WDFY2: variants seen among roughly 807,000 people sequenced by gnomAD.
WDFY2 encodes WD repeat and FYVE domain containing 2, also known as WD repeat and FYVE domain-containing protein 2.
In WDFY2, 36 loss-of-function variants were observed where a neutral mutation model predicts 56.4. The ratio of observed to expected loss-of-function variants is 0.64; its 90% CI spans 0.49 to 0.84. WDFY2 has a LOEUF of 0.84. Ranked by LOEUF, WDFY2 falls within the 40% of genes least tolerant of loss-of-function variation. The pLI, the probability that WDFY2 is intolerant of heterozygous loss-of-function variation, is 0.00. For synonymous variants in WDFY2, 176 were observed against 183.7 expected, an observed-to-expected ratio of 0.96 and a Z score of 0.34; for missense variants, 444 against 512.2, an observed-to-expected ratio of 0.87 and a Z score of 1.29.
chr13:51,718,559 T>C lies in WDFY2; in HGVS notation c.335-639T>C, dbSNP rs1031996768. Among the ~76,000 whole-genome samples the C allele has an allele frequency of 2.4e-4, 33 of 138,758 alleles. 1 individual carries two copies. The highest frequency in any genetic ancestry group is 3.6e-4 in the Non-Finnish European group (23 of 63,864). The allele number at this position is 138,758 out of a possible 152,430, so 91.0% of individuals were successfully genotyped here. A position where few individuals can be genotyped will look rare whatever the true frequency, so the allele number is the denominator to read the frequency against. On this transcript the variant is annotated intron_variant, in intron 4 of 11. Coordinates refer to ENST00000298125, the MANE Select transcript of WDFY2 (RefSeq NM_052950.4). ...GGAAATTTGCTCTTATTATCATTCATACACACACACACACACACACACACA... is the reference window on the plus strand; with the variant it reads ...GGAAATTTGCTCTTATTATCATTCACACACACACACACACACACACACACA...
intron 1 of WDFY2, among the ~76,000 whole-genome samples, chr13:51,615,352 T>TAA (rs535477907): frequency 2.0e-5 from 3 of 148,466 alleles, no homozygotes; most frequent in African/African-American, 4.9e-5. Context: ...CAGTGCAAAT[T>TAA]AAAAAAAAAA....
At chr13:51,657,167 T>C (rs911210810) in intron 1 of WDFY2, among the ~76,000 whole-genome samples, 10 of 152,248 alleles carry the variant, frequency 6.6e-5, no homozygotes, top group Admixed American at 6.5e-4. Context: ...TGAATTGATA[T>C]CAATTTATTT....
At chr13:51,610,465 A>C (rs1954479018) in intron 1 of WDFY2, among the ~76,000 whole-genome samples, 1 of 152,124 alleles carries the variant, frequency 6.6e-6, no homozygotes, top group Non-Finnish European at 1.5e-5. Flanking sequence ...AATTCTTTTG[A>C]CTAGTACCCA....
At chr13:51,719,089 T>A (rs1301754767) in intron 4 of WDFY2, 109 bp from the exon 5 acceptor site, 2 of 1,481,670 alleles carry the variant, frequency 1.3e-6, no homozygotes, top group Non-Finnish European at 1.9e-6. Flanking sequence ...GTTCTGCTGT[T>A]CAGCTTATTC....
chr13:51,742,737 C>T (rs901931275), intron 7 of WDFY2, among the ~76,000 whole-genome samples: 1 of 152,042 alleles, frequency 6.6e-6, no homozygotes, highest in African/African-American at 2.4e-5. Flanking sequence ...TTTGCTATTC[C>T]TCATGTTGGA....
intron 1 of WDFY2, among the ~76,000 whole-genome samples, chr13:51,651,887 G>A (rs924179165): frequency 6.6e-6 from 1 of 152,182 alleles, no homozygotes; most frequent in East Asian, 1.9e-4. Flanking sequence ...TTGATTTGGG[G>A]TAGAGAATTC....
At chr13:51,665,405 T>A (rs975685175) in intron 2 of WDFY2, among the ~76,000 whole-genome samples, 1 of 152,218 alleles carries the variant, frequency 6.6e-6, no homozygotes, top group African/African-American at 2.4e-5. Flanking sequence ...AATGTGATTA[T>A]TTGTTCCAGG....
At chr13:51,586,285 C>A (rs979534866) in intron 1 of WDFY2, 5 of 379,814 alleles carry the variant, frequency 1.3e-5, no homozygotes, top group Non-Finnish European at 2.3e-5. Flanking sequence ...TGGTAGATGT[C>A]ACTTTCCCAG....
chr13:51,637,359 A>G (rs368701427), intron 1 of WDFY2, among the ~76,000 whole-genome samples: 54 of 152,310 alleles, frequency 3.5e-4, no homozygotes, highest in African/African-American at 1.3e-3. Flanking sequence ...CTTTTTGTAA[A>G]ATGAAAGTGC....
At chr13:51,660,740 T>A in intron 2 of WDFY2, 77 bp downstream of exon 2, 1 of 1,260,222 alleles carries the variant, frequency 7.9e-7, no homozygotes, top group Non-Finnish European at 1.2e-6. Flanking sequence ...TCTTCTTAAG[T>A]AGAGAAGACT....
At chr13:51,657,646 T>C (rs937478573) in intron 1 of WDFY2, among the ~76,000 whole-genome samples, 3 of 152,188 alleles carry the variant, frequency 2.0e-5, no homozygotes, top group Non-Finnish European at 4.4e-5. Context: ...TATTCTTTAT[T>C]CTTTTTTCTT....
chr13:51,692,882 G>T (rs1156707195), intron 3 of WDFY2, among the ~76,000 whole-genome samples: 1 of 152,066 alleles, frequency 6.6e-6, no homozygotes. Context: ...GCCTGTTATT[G>T]GTCTATTCAG....
chr13:51,688,502 A>G (rs1956098307), intron 3 of WDFY2, among the ~76,000 whole-genome samples: 1 of 152,192 alleles, frequency 6.6e-6, no homozygotes, highest in Admixed American at 6.5e-5. Context: ...GGGCTATGCA[A>G]CATACAACCA....
At chr13:51,671,405 A>G (rs999299882) in intron 2 of WDFY2, among the ~76,000 whole-genome samples, 2 of 152,180 alleles carry the variant, frequency 1.3e-5, no homozygotes, top group African/African-American at 4.8e-5. Context: ...GATTATGGCC[A>G]TTCTTGCAGG....
intron 1 of WDFY2, among the ~76,000 whole-genome samples, chr13:51,650,577 A>T (rs1955358406): frequency 6.6e-6 from 1 of 152,200 alleles, no homozygotes; most frequent in South Asian, 2.1e-4. Flanking sequence ...TATTATTTTG[A>T]GATACGTCCC....
At chr13:51,708,583 A>T (rs1024085756) in intron 4 of WDFY2, among the ~76,000 whole-genome samples, 37 of 75,680 alleles carry the variant, frequency 4.9e-4, no homozygotes, top group Admixed American at 4.3e-3. Flanking sequence ...CAATTAATTA[A>T]AAAAAAAAAG....
At chr13:51,693,534 T>C (rs559102362) in intron 3 of WDFY2, among the ~76,000 whole-genome samples, 21 of 152,320 alleles carry the variant, frequency 1.4e-4, no homozygotes, top group African/African-American at 5.1e-4. Flanking sequence ...TTGATTGCAC[T>C]GTGGTCTGAG....
chr13:51,757,370 A>G (rs755289815), intron 10 of WDFY2, among the ~76,000 whole-genome samples: 32 of 152,214 alleles, frequency 2.1e-4, no homozygotes, highest in Non-Finnish European at 3.8e-4. Flanking sequence ...TAAGGGACTT[A>G]CAGTTAAGCC....
chr13:51,720,127 C>T (rs1220760940), intron 5 of WDFY2, among the ~76,000 whole-genome samples: 1 of 152,202 alleles, frequency 6.6e-6, no homozygotes, highest in East Asian at 1.9e-4. Context: ...AAACAGGTCA[C>T]TTGTCAGCAA....
Sources: allele counts gnomAD v4.1 joint callset (sites outside exome capture counted in the v4.1 genomes callset), GRCh38; gene constraint gnomAD v4.1.1; transcripts MANE v1.5; gene names NCBI Gene and HGNC (gene_info 2026-07-23, HGNC 2026-07-21).